WDR27: variants seen among roughly 807,000 people sequenced by gnomAD.
WDR27 encodes WD repeat domain 27, also known as WD repeat-containing protein 27.
A neutral mutation model predicts 114.4 loss-of-function variants in WDR27; 100 were observed. That is an observed-to-expected ratio of 0.87 (90% confidence interval 0.74 to 1.03). The LOEUF (loss-of-function observed/expected upper bound fraction) is 1.03. WDR27 is among the 50% of genes least tolerant of loss of function. WDR27 has a pLI of 0.00. For missense variants in WDR27, 1,129 were observed against 1,092.9 expected (o/e 1.03, Z -0.47); for synonymous variants, 449 against 423.1 (o/e 1.06, Z -0.75).
downstream of WDR27, among the ~76,000 whole-genome samples, chr6:169,454,609 A>G (rs1305252508): frequency 6.6e-6 from 1 of 152,240 alleles, no homozygotes; most frequent in Non-Finnish European, 1.5e-5. Flanking sequence ...GATATTGTTT[A>G]TTCCAGCATG....
At chr6:169,556,566 A>G (rs1185352243) in intron 25 of WDR27, among the ~76,000 whole-genome samples, 1 of 152,230 alleles carries the variant, frequency 6.6e-6, no homozygotes, top group African/African-American at 2.4e-5. Flanking sequence ...TGGGTTAGCA[A>G]AGGTTTCTTA....
At chr6:169,672,644 A>ATTTC (rs143416653) in intron 2 of WDR27, among the ~76,000 whole-genome samples, 25,383 of 152,068 alleles carry the variant, frequency 0.17, 2,676 homozygotes, top group East Asian at 0.29. Context: ...TCGTTCTTCC[A>ATTTC]TTTATCACTT....
In WDR27 at chr6:169,480,225, C is replaced by A. The variant is rs1479078398; in HGVS notation, c.2646-22591G>T. Reference sequence around the variant, plus strand: ...GCGCCAGGTCCCCTAGCACTGCCAGCCTGCCCGTGCCATGCTCGAATTCTC... The same window carrying A: ...GCGCCAGGTCCCCTAGCACTGCCAGACTGCCCGTGCCATGCTCGAATTCTC... On this transcript the variant is annotated intron_variant, in intron 25 of 25. Coordinates refer to ENST00000448612, the MANE Select transcript of WDR27 (RefSeq NM_182552.5). Among the ~76,000 whole-genome samples, 5 of 152,368 alleles carry A rather than the reference C, an allele frequency of 3.3e-5. No homozygotes were observed. The East Asian group carries it at 7.7e-4, about 24-fold the overall frequency.
chr6:169,594,924 C>G (rs1806472931), intron 23 of WDR27, among the ~76,000 whole-genome samples: 1 of 152,070 alleles, frequency 6.6e-6, no homozygotes, highest in African/African-American at 2.4e-5. Flanking sequence ...GCCTATAATC[C>G]CAGCACTTTG....
intron 7 of WDR27, chr6:169,664,706 C>T: frequency 1.0e-6 from 1 of 1,002,868 alleles, no homozygotes; most frequent in Non-Finnish European, 1.2e-6. Flanking sequence ...TCAAAATTAT[C>T]TTTTTCAAAT....
intron 23 of WDR27, among the ~76,000 whole-genome samples, chr6:169,595,964 A>G (rs1806714039): frequency 6.6e-6 from 1 of 152,076 alleles, no homozygotes; most frequent in Non-Finnish European, 1.5e-5. Flanking sequence ...ACAAAAAAAG[A>G]TGATTTACAA....
chr6:169,435,233 G>A, the WDR27 span, among the ~76,000 whole-genome samples: 1 of 152,258 alleles, frequency 6.6e-6, no homozygotes, highest in Non-Finnish European at 1.5e-5. Flanking sequence ...TGTCTAGGCA[G>A]AAGTTTGCTG....
In WDR27 at chr6:169,657,420, C is replaced by G. The variant is rs1006618475; in HGVS notation, c.1402+856G>C. Among the ~76,000 whole-genome samples, 5 of 152,218 alleles carry G rather than the reference C, an allele frequency of 3.3e-5. No homozygotes were observed. In the East Asian group the frequency reaches 7.7e-4, roughly 23 times the overall value. On this transcript the variant is annotated intron_variant, in intron 13 of 25. Transcript: ENST00000448612. ...AACCCTAGCCCAGCCTAGCCGAGCC[C>G]GGCCCGGGGAGAGGCCCAAGGGTGG...
chr6:169,532,826 TAA>T (rs879594888), intron 25 of WDR27, among the ~76,000 whole-genome samples: 7 of 138,234 alleles, frequency 5.1e-5, no homozygotes, highest in African/African-American at 2.7e-5. Context: ...AACTTAAAAT[TAA>T]AAAAAAAAAA....
At chr6:169,590,777 C>A (rs1039353043) in intron 23 of WDR27, among the ~76,000 whole-genome samples, 1 of 152,354 alleles carries the variant, frequency 6.6e-6, no homozygotes, top group Admixed American at 6.5e-5. Context: ...TACCACCCAC[C>A]GGTCTAACCA....
intron 21 of WDR27, among the ~76,000 whole-genome samples, chr6:169,618,393 T>C (rs1448371170): frequency 6.6e-6 from 1 of 152,160 alleles, no homozygotes; most frequent in African/African-American, 2.4e-5. Context: ...GCTAGGACTT[T>C]AAGGATATCA....
intron 23 of WDR27, among the ~76,000 whole-genome samples, chr6:169,600,994 C>T (rs1054221838): frequency 1.3e-5 from 2 of 152,108 alleles, no homozygotes; most frequent in South Asian, 4.1e-4. Context: ...AGAAGAGCAA[C>T]TCCAAGACAC....
chr6:169,578,170 T>A (rs7749291), intron 24 of WDR27, among the ~76,000 whole-genome samples: 1 of 152,190 alleles, frequency 6.6e-6, no homozygotes, highest in African/African-American at 2.4e-5. Context: ...TTTCAAGCTG[T>A]AAGGCGCTCT....
the WDR27 span, among the ~76,000 whole-genome samples, chr6:169,436,706 T>C: frequency 3.9e-4 from 59 of 152,184 alleles, no homozygotes; most frequent in African/African-American, 1.3e-3. Flanking sequence ...ATCATAGACA[T>C]TGATAAAACA....
At chr6:169,685,873 A>C (rs1369713498) in intron 2 of WDR27, among the ~76,000 whole-genome samples, 1 of 152,188 alleles carries the variant, frequency 6.6e-6, no homozygotes, top group Non-Finnish European at 1.5e-5. Context: ...AAATAGTTTC[A>C]AACCAAATAG....
At chr6:169,465,258 C>CAAAAGA (rs1562450501) in intron 25 of WDR27, among the ~76,000 whole-genome samples, 1 of 101,210 alleles carries the variant, frequency 9.9e-6, no homozygotes, top group Admixed American at 1.1e-4. Context: ...AACTCCATCT[C>CAAAAGA]AAAAAAAAAA....
chr6:169,646,958 A>G (rs932744499), intron 16 of WDR27, among the ~76,000 whole-genome samples: 2 of 152,194 alleles, frequency 1.3e-5, no homozygotes, highest in African/African-American at 4.8e-5. Flanking sequence ...GGAGTGGTAC[A>G]TGGTAACCCT....
chr6:169,437,949 TG>T, the WDR27 span, among the ~76,000 whole-genome samples: 3 of 152,152 alleles, frequency 2.0e-5, no homozygotes, highest in Non-Finnish European at 4.4e-5. Context: ...TGTTCAGGTT[TG>T]TTATATGGGT....
intron 1 of WDR27, among the ~76,000 whole-genome samples, chr6:169,693,368 C>T (rs1023770014): frequency 6.6e-6 from 1 of 152,094 alleles, no homozygotes; most frequent in African/African-American, 2.4e-5. Flanking sequence ...CCTTGAAATA[C>T]ACCAAAAAAG....
Sources: gnomAD v4.1 joint callset for allele counts (sites outside exome capture counted in the v4.1 genomes callset) on GRCh38, gnomAD v4.1.1 for gene constraint, MANE v1.5 for transcripts, NCBI Gene and HGNC (gene_info 2026-07-23, HGNC 2026-07-21) for gene names.